GABRA5: variants seen among roughly 807,000 people sequenced by gnomAD.
GABRA5 encodes gamma-aminobutyric acid type A receptor subunit alpha5.
A neutral mutation model predicts 47.3 loss-of-function variants in GABRA5; 18 were observed. The ratio of observed to expected loss-of-function variants is 0.38; its 90% CI spans 0.26 to 0.56. The LOEUF (loss-of-function observed/expected upper bound fraction) is 0.56. Among genes scored for constraint, GABRA5 ranks in the 20% least tolerant of loss-of-function variants. The probability of loss-of-function intolerance (pLI) is 0.71; values close to 1 mark genes in which losing one functional copy is unlikely to be tolerated. For missense variants in GABRA5, 365 were observed against 599.3 expected (o/e 0.61, Z 4.08); for synonymous variants, 237 against 229.3 (o/e 1.03, Z -0.30).
chr15:26,933,090 C>A (rs1232110396), intron 7 of GABRA5, among the ~76,000 whole-genome samples: 31 of 136,190 alleles, frequency 2.3e-4, no homozygotes, highest in Middle Eastern at 3.9e-3. Flanking sequence ...GCACATGTAT[C>A]CCGGAACTTA....
At chr15:26,910,466 T>G (rs1347529849) in intron 6 of GABRA5, among the ~76,000 whole-genome samples, 1 of 151,732 alleles carries the variant, frequency 6.6e-6, no homozygotes, top group Non-Finnish European at 1.5e-5. Context: ...TGGGCGTGAT[T>G]GCGGACACCT....
At chr15:26,920,037 T>C (rs1030769867) in intron 7 of GABRA5, among the ~76,000 whole-genome samples, 1 of 152,276 alleles carries the variant, frequency 6.6e-6, no homozygotes. Context: ...AATTCTTTCT[T>C]TGACTTTTGA....
Position 26,940,159 on chromosome 15 carries a change from C to T in GABRA5, c.877+82C>T, listed in dbSNP as rs28551016. The T allele has an allele frequency of 3.8e-3, 4,780 of 1,253,772 alleles. 77 individuals carry two copies. The African/African-American group carries it at 0.046, about 12-fold the overall frequency. The allele number at this position is 1,253,772 out of a possible 1,614,324, so 77.7% of individuals were successfully genotyped here. On this transcript the variant is annotated intron_variant, in intron 9 of 10. Transcript: ENST00000335625. ...CCGGAAGCAACAGCAACAACCTCCACGAAACTTCTAGTGCTGCCTCTTTGT... is the reference window on the plus strand; with the variant it reads ...CCGGAAGCAACAGCAACAACCTCCATGAAACTTCTAGTGCTGCCTCTTTGT...
At chr15:26,939,856 G>A in intron 8 of GABRA5, 69 bp from the exon 9 acceptor site, 3 of 1,539,072 alleles carry the variant, frequency 1.9e-6, no homozygotes, top group Non-Finnish European at 2.7e-6. Context: ...GGAGGCTCCT[G>A]GTGAACTCCT....
intron 7 of GABRA5, among the ~76,000 whole-genome samples, chr15:26,936,537 T>A (rs1894248887): frequency 6.6e-6 from 1 of 152,220 alleles, no homozygotes; most frequent in South Asian, 2.1e-4. Context: ...TATAATCTTC[T>A]GATATTAAGG....
chr15:26,873,095 G>A (rs904587013), intron 3 of GABRA5, among the ~76,000 whole-genome samples: 9 of 152,244 alleles, frequency 5.9e-5, no homozygotes, highest in African/African-American at 1.9e-4. Context: ...GCTAAGGTAC[G>A]TTTGACGACC....
At chr15:26,887,395 T>A (rs112775705) in intron 6 of GABRA5, among the ~76,000 whole-genome samples, 11,637 of 152,180 alleles carry the variant, frequency 0.076, 727 homozygotes, top group African/African-American at 0.17. Context: ...AGTGGCGTGA[T>A]CTCGGCTCAT....
At chr15:26,927,270 A>ATTTTT (rs11400477) in intron 7 of GABRA5, among the ~76,000 whole-genome samples, 4 of 142,220 alleles carry the variant, frequency 2.8e-5, no homozygotes, top group Non-Finnish European at 1.5e-5. Flanking sequence ...TGTCCAGCTA[A>ATTTTT]TTTTTTTTTT....
chr15:26,943,174 C>T, intron 9 of GABRA5, 41 bp from the exon 10 acceptor site: 2 of 1,487,364 alleles, frequency 1.3e-6, no homozygotes, highest in South Asian at 1.2e-5. Flanking sequence ...AGCACTGACC[C>T]CTGTTTCCGT....
Position 26,916,555 on chromosome 15 carries a change from G to GT in GABRA5, c.580+1677dup, listed in dbSNP as rs1210930011. 5.3e-5 allele frequency among the ~76,000 whole-genome samples: 8 copies of GT among 152,016 alleles called. No individual in the cohort carries two copies. In the South Asian group the frequency reaches 8.3e-4, roughly 16 times the overall value. On this transcript the variant is annotated intron_variant, in intron 7 of 10. Coordinates refer to ENST00000335625, the MANE Select transcript of GABRA5 (RefSeq NM_000810.4). ...TCCCAAGATTGTTTTGGATATTTGG[G>GT]TTTTTTTGTTATTTCATATGATTTT...
chr15:26,894,744 G>C (rs1338055763), intron 6 of GABRA5, among the ~76,000 whole-genome samples: 1 of 152,070 alleles, frequency 6.6e-6, no homozygotes, highest in Non-Finnish European at 1.5e-5. Context: ...TCCCTATTTT[G>C]CAGGTGATGG....
At chr15:26,891,604 C>T (rs529974669) in intron 6 of GABRA5, among the ~76,000 whole-genome samples, 1 of 152,168 alleles carries the variant, frequency 6.6e-6, no homozygotes, top group Non-Finnish European at 1.5e-5. Flanking sequence ...TTGGTTAAAG[C>T]CCCGGATTCA....
chr15:26,898,843 G>A (rs1015455117), intron 6 of GABRA5, among the ~76,000 whole-genome samples: 5 of 151,774 alleles, frequency 3.3e-5, no homozygotes, highest in Non-Finnish European at 7.4e-5. Context: ...TTGACTCCAG[G>A]CACTGCTTTT....
chr15:26,919,980 A>G (rs1368602739), intron 7 of GABRA5, among the ~76,000 whole-genome samples: 2 of 151,726 alleles, frequency 1.3e-5, no homozygotes, highest in African/African-American at 2.4e-5. Flanking sequence ...TCATAATCTT[A>G]TGACATGACT....
chr15:26,892,911 G>T (rs1893044910), intron 6 of GABRA5, among the ~76,000 whole-genome samples: 1 of 151,134 alleles, frequency 6.6e-6, no homozygotes, highest in Non-Finnish European at 1.5e-5. Context: ...GTATGAGGTT[G>T]TGTGTGCGTG....
chr15:26,881,006 A>G (rs760424965), intron 4 of GABRA5, 39 bp downstream of exon 4: 2 of 1,607,260 alleles, frequency 1.2e-6, no homozygotes, highest in East Asian at 2.2e-5. Flanking sequence ...GCAAGGATCC[A>G]GGAAGGGCTT....
chr15:26,920,438 C>T (rs767190332), intron 7 of GABRA5, among the ~76,000 whole-genome samples: 71 of 151,952 alleles, frequency 4.7e-4, no homozygotes, highest in Non-Finnish European at 8.4e-4. Flanking sequence ...TTCTTTAACT[C>T]CGTGATTTCT....
At chr15:26,911,258 T>C (rs1893577045) in intron 6 of GABRA5, among the ~76,000 whole-genome samples, 1 of 152,060 alleles carries the variant, frequency 6.6e-6, no homozygotes, top group African/African-American at 2.4e-5. Flanking sequence ...AAAAACTGTC[T>C]TTTTTACATT....
intron 3 of GABRA5, among the ~76,000 whole-genome samples, chr15:26,878,967 C>A (rs1317217579): frequency 1.3e-5 from 2 of 152,192 alleles, no homozygotes; most frequent in African/African-American, 4.8e-5. Context: ...ACAACGCTCA[C>A]AGAGACATCA....
Sources: gnomAD v4.1 joint callset for allele counts (sites outside exome capture counted in the v4.1 genomes callset) on GRCh38, gnomAD v4.1.1 for gene constraint, MANE v1.5 for transcripts, NCBI Gene and HGNC (gene_info 2026-07-23, HGNC 2026-07-21) for gene names.